SAFB: variants seen among roughly 807,000 people sequenced by gnomAD.
The protein encoded by SAFB is scaffold attachment factor B1.
SAFB carries 15 observed loss-of-function variants against 101.6 expected under a neutral mutation model. The observed-to-expected ratio is 0.15, with a 90% CI of 0.10 to 0.23. The LOEUF is 0.23. SAFB is among the 10% of genes least tolerant of loss of function. The pLI, the probability that SAFB is intolerant of heterozygous loss-of-function variation, is 1.00. For missense variants in SAFB, 930 were observed against 1,104.1 expected (o/e 0.84, Z 2.23); for synonymous variants, 449 against 407.5 (o/e 1.10, Z -1.23).
rs1316341330 is a variant in SAFB at position 5,660,535 on chromosome 19, A to C, written c.1863-983A>C. 3.3e-5 allele frequency among the ~76,000 whole-genome samples: 5 copies of C among 151,250 alleles called. No homozygotes were observed. In the East Asian group the frequency reaches 9.7e-4, roughly 29 times the overall value. ...TTTTTTCTGGAGACGGGGTCTCACT[A>C]TATTGTCCAGGCTGTATATCTATAA... On this transcript the variant is annotated intron_variant, in intron 14 of 20. Transcript: ENST00000588852.
At chr19:5,652,349 C>T (rs145461042) in intron 9 of SAFB, among the ~76,000 whole-genome samples, 2 of 152,262 alleles carry the variant, frequency 1.3e-5, no homozygotes, top group Non-Finnish European at 2.9e-5. Flanking sequence ...CGTCCCCCAG[C>T]GGGTGGGTGT....
intron 9 of SAFB, among the ~76,000 whole-genome samples, chr19:5,652,039 A>C (rs1483931573): frequency 6.6e-6 from 1 of 152,088 alleles, no homozygotes; most frequent in Non-Finnish European, 1.5e-5. Context: ...CTAAAAGTAC[A>C]GAAATTAGCC....
chr19:5,654,449 A>G lies in SAFB; in HGVS notation c.1748A>G (p.Lys583Arg), dbSNP rs746204062. 5.1e-5 allele frequency: 81 copies of G among 1,589,096 alleles called. No individual in the cohort carries two copies. Among genetic ancestry groups the G allele is most frequent in the Non-Finnish European group, 6.7e-5 (78 of 1,157,278 alleles). The change falls in exon 13 of 21, where the codon AAA (lysine) becomes AGA (arginine). Residue 583 changes from lysine (K) to arginine (R), a missense_variant. By Grantham distance (26) the Lys-to-Arg change is conservative (BLOSUM62 2). This residue lies in a region of SAFB where 159 missense variants were observed against 234.1 expected (regional missense o/e 0.68). Transcript: ENST00000588852. ...ATTAGTGTAAAAACGTCCGGGTCCA[A>G]AGAGAGAGTGAGTATTAATTTTCTA... ...PVISVKTSGS[K>R]ERASKSQDRK...
rs752977653 is a variant in SAFB, at chr19:5,667,172, T to C, written c.2453+8T>C. 2.0e-6 allele frequency: 3 copies of C among 1,512,186 alleles called. No individual in the cohort carries two copies. Among genetic ancestry groups the C allele is most frequent in the Non-Finnish European group, 2.7e-6 (3 of 1,095,648 alleles). 93.7% of individuals were successfully genotyped at this position (1,512,186 alleles called of 1,614,324 possible). On this transcript the variant is annotated splice_region_variant and intron_variant, in intron 18 of 20. Transcript: ENST00000588852. The surrounding 1 kb of genome is among the most constrained non-coding windows in gnomAD (Gnocchi z 4.0). ...GCTGCCTCCTCCCCCCAGGTTTGTG[T>C]CCCACACCCGACAGTACCTGACCCC...
chr19:5,633,234 A>G (rs1599323373), intron 2 of SAFB, among the ~76,000 whole-genome samples: 1 of 152,246 alleles, frequency 6.6e-6, no homozygotes, highest in East Asian at 1.9e-4. Context: ...TATCTGTGTG[A>G]ACTTAGATTA....
At chr19:5,661,437 A>T (rs1247397939) in intron 14 of SAFB, 81 bp from the exon 15 acceptor site, 1 of 1,573,394 alleles carries the variant, frequency 6.4e-7, no homozygotes, top group Admixed American at 1.7e-5. Flanking sequence ...AGTCTGTGCG[A>T]CCCAGCGTCT....
intron 8 of SAFB, 52 bp downstream of exon 8, chr19:5,650,027 T>C: frequency 4.9e-6 from 7 of 1,417,622 alleles, no homozygotes; most frequent in Non-Finnish European, 7.0e-6. Context: ...GCCTGGGCAG[T>C]GGCGGGTATT....
At position 5,668,146 on chromosome 19, in the gene SAFB, G is replaced by A. The variant is rs1414044780; in HGVS notation, c.2625-16G>A. On this transcript the variant is annotated splice_polypyrimidine_tract_variant and intron_variant, in intron 20 of 20. Coordinates refer to ENST00000588852, the MANE Select transcript of SAFB (RefSeq NM_001201338.2). Reference sequence around the variant, plus strand: ...AGGAGGACTTCGCAGTCAAACCAATGTGAATTTGTTCCTAGGCGCGGCAGC... The same window carrying A: ...AGGAGGACTTCGCAGTCAAACCAATATGAATTTGTTCCTAGGCGCGGCAGC... The A allele has an allele frequency of 1.2e-6, 2 of 1,605,228 alleles. No homozygotes were observed. The highest frequency in any genetic ancestry group is 1.7e-6 in the Non-Finnish European group (2 of 1,176,612).
intron 5 of SAFB, among the ~76,000 whole-genome samples, chr19:5,646,652 G>A (rs940519425): frequency 6.6e-6 from 1 of 152,240 alleles, no homozygotes; most frequent in South Asian, 2.1e-4. Flanking sequence ...ATAAGTGAAA[G>A]CATGAGGAAA....
At chr19:5,666,872 C>T (rs1203523203) in intron 17 of SAFB, 174 bp from the exon 18 acceptor site, 2 of 709,788 alleles carry the variant, frequency 2.8e-6, no homozygotes, top group East Asian at 4.9e-5. Flanking sequence ...GGGCACAGGG[C>T]CTCTGGCCTG....
At chr19:5,634,135 T>A (rs1483366993) in intron 2 of SAFB, among the ~76,000 whole-genome samples, 1 of 152,076 alleles carries the variant, frequency 6.6e-6, no homozygotes, top group Non-Finnish European at 1.5e-5. Context: ...AACAGGAAAT[T>A]TTCAAGTCCT....
At chr19:5,663,491 G>A (rs2054261425) in intron 15 of SAFB, among the ~76,000 whole-genome samples, 1 of 152,170 alleles carries the variant, frequency 6.6e-6, no homozygotes, top group Admixed American at 6.6e-5. Context: ...GAGGAGCCCA[G>A]GTCATATATA....
intron 5 of SAFB, 57 bp from the exon 6 acceptor site, chr19:5,647,958 TA>T: frequency 3.4e-6 from 5 of 1,474,788 alleles, no homozygotes; most frequent in Non-Finnish European, 4.7e-6. Flanking sequence ...GGTTTTCATT[TA>T]AATAAACTGT....
intron 1 of SAFB, among the ~76,000 whole-genome samples, chr19:5,624,581 C>G (rs2053306013): frequency 6.6e-6 from 1 of 152,168 alleles, no homozygotes; most frequent in African/African-American, 2.4e-5. Context: ...CGCCCACCCC[C>G]CAGCCCCTGC....
chr19:5,663,194 G>A lies in SAFB; in HGVS notation c.2154-828G>A, dbSNP rs575001394. 6.0e-5 allele frequency among the ~76,000 whole-genome samples: 9 copies of A among 150,374 alleles called. No homozygotes were observed. The South Asian group carries it at 1.5e-3, about 25-fold the overall frequency. On this transcript the variant is annotated intron_variant, in intron 15 of 20. Transcript: ENST00000588852. ...ATTTTTTGCATTTTTAGTAGATACC[G>A]GGTTTCACCATGTTGGCCAGGCTGT...
intron 5 of SAFB, among the ~76,000 whole-genome samples, chr19:5,645,943 A>G (rs1171446908): frequency 1.3e-5 from 2 of 152,138 alleles, no homozygotes; most frequent in Non-Finnish European, 2.9e-5. Context: ...TGACTGTATC[A>G]TCCTACCTGT....
At chr19:5,642,651 C>CTTTCTTTTTTT (rs1555696821) in intron 4 of SAFB, among the ~76,000 whole-genome samples, 2 of 70,842 alleles carry the variant, frequency 2.8e-5, no homozygotes, top group East Asian at 1.2e-3. Flanking sequence ...CCCTTCCTTT[C>CTTTCTTTTTTT]TTTTTTTTTT....
intron 15 of SAFB, among the ~76,000 whole-genome samples, chr19:5,662,776 G>C (rs1219593930): frequency 6.6e-6 from 1 of 150,892 alleles, no homozygotes; most frequent in African/African-American, 2.4e-5. Context: ...TAGTATTCGA[G>C]ATTACAGGCA....
chr19:5,641,090 G>A (rs1051289361), intron 2 of SAFB, among the ~76,000 whole-genome samples: 5 of 151,954 alleles, frequency 3.3e-5, no homozygotes, highest in African/African-American at 1.2e-4. Flanking sequence ...GGCTGGTCTC[G>A]AACTCCTGAC....
Sources: gnomAD v4.1 joint callset for allele counts (sites outside exome capture counted in the v4.1 genomes callset) on GRCh38, gnomAD v4.1.1 for gene constraint, gnomAD v4.1.1 regional missense constraint, Gnocchi (gnomAD v3.1) non-coding constraint, MANE v1.5 for transcripts, NCBI Gene and HGNC (gene_info 2026-07-23, HGNC 2026-07-21) for gene names.